The following PTPRD variants were observed in gnomAD, a reference collection of about 807,000 sequenced individuals.
PTPRD encodes the protein receptor-type tyrosine-protein phosphatase delta.
A neutral mutation model predicts 214.5 loss-of-function variants in PTPRD; 34 were observed. The ratio of observed to expected loss-of-function variants is 0.16; its 90% CI spans 0.12 to 0.21. The LOEUF (loss-of-function observed/expected upper bound fraction) is 0.21. PTPRD is among the 10% of genes least tolerant of loss of function. The pLI, the probability that PTPRD is intolerant of heterozygous loss-of-function variation, is 1.00. For missense variants in PTPRD, 2,545 were observed against 2,398.7 expected (o/e 1.06, Z -1.27); for synonymous variants, 1,128 against 845.7 (o/e 1.33, Z -5.79).
chr9:10,585,949 C>T (rs2073755707), intron 2 of PTPRD, among the ~76,000 whole-genome samples: 1 of 151,832 alleles, frequency 6.6e-6, no homozygotes, highest in Non-Finnish European at 1.5e-5. Flanking sequence ...CAAGAAAAAC[C>T]TGAAATCTAA....
chr9:8,364,359 G>T (rs2079246405), intron 39 of PTPRD, among the ~76,000 whole-genome samples: 1 of 152,166 alleles, frequency 6.6e-6, no homozygotes, highest in Non-Finnish European at 1.5e-5. Flanking sequence ...TTTTTATTTC[G>T]GTTCCAGCAG....
At chr9:8,692,691 G>C (rs921616347) in intron 12 of PTPRD, among the ~76,000 whole-genome samples, 6 of 152,148 alleles carry the variant, frequency 3.9e-5, no homozygotes, top group Non-Finnish European at 5.9e-5. Flanking sequence ...AAATTGTTAA[G>C]TGCTGTGTAA....
At chr9:9,368,638 A>T (rs2058549839) in intron 9 of PTPRD, among the ~76,000 whole-genome samples, 1 of 151,902 alleles carries the variant, frequency 6.6e-6, no homozygotes, top group Non-Finnish European at 1.5e-5. Context: ...TCTTGAAATC[A>T]TTTTGGTGGA....
chr9:9,220,658 A>G (rs1018685532), intron 9 of PTPRD, among the ~76,000 whole-genome samples: 3 of 152,060 alleles, frequency 2.0e-5, no homozygotes, highest in Admixed American at 2.0e-4. Flanking sequence ...GTTGAATTCA[A>G]ATATTGATGT....
intron 4 of PTPRD, among the ~76,000 whole-genome samples, chr9:10,013,877 T>A (rs748077338): frequency 6.6e-6 from 1 of 152,012 alleles, no homozygotes; most frequent in Admixed American, 6.6e-5. Context: ...ATAGGTTTTT[T>A]TGTTTGTTTC....
chr9:8,456,121 A>C (rs1002629416), intron 33 of PTPRD, among the ~76,000 whole-genome samples: 2 of 152,164 alleles, frequency 1.3e-5, no homozygotes, highest in Non-Finnish European at 2.9e-5. Flanking sequence ...TATACATTTA[A>C]TTATTCAATA....
chr9:9,048,592 A>G (rs928117935), intron 10 of PTPRD, among the ~76,000 whole-genome samples: 9 of 152,256 alleles, frequency 5.9e-5, no homozygotes, highest in East Asian at 5.8e-4. Context: ...TATTTGTGGG[A>G]CCTAAACATC....
At chr9:8,745,513 C>T (rs959330387) in intron 11 of PTPRD, among the ~76,000 whole-genome samples, 1 of 152,110 alleles carries the variant, frequency 6.6e-6, no homozygotes, top group Non-Finnish European at 1.5e-5. Context: ...AGTCACTGTC[C>T]TAGACCAATA....
chr9:10,080,804 C>T lies in PTPRD; in HGVS notation c.-544-47014G>A, dbSNP rs1382929034. The stretch of plus-strand genomic sequence containing the variant: ...TATGCTCTTGACCATTAAAAAGCTA[C>T]CATTTTGAAAATTAAATTTCTGGCA... On this transcript the variant is annotated intron_variant, in intron 3 of 45. Transcript: ENST00000381196. 2.6e-5 allele frequency among the ~76,000 whole-genome samples: 4 copies of T among 152,114 alleles called. No homozygotes were observed. In the East Asian group the frequency reaches 7.7e-4, roughly 29 times the overall value.
intron 2 of PTPRD, among the ~76,000 whole-genome samples, chr9:10,390,326 C>G (rs960513073): frequency 1.3e-5 from 2 of 151,806 alleles, no homozygotes; most frequent in African/African-American, 4.8e-5. Context: ...CAATACACCA[C>G]AGACATAATT....
chr9:8,954,932 A>G (rs1318911733), intron 11 of PTPRD, among the ~76,000 whole-genome samples: 1 of 151,942 alleles, frequency 6.6e-6, no homozygotes, highest in Non-Finnish European at 1.5e-5. Flanking sequence ...TGCAAAATAT[A>G]GACAACCATG....
At chr9:10,395,176 T>A (rs1018217074) in intron 2 of PTPRD, among the ~76,000 whole-genome samples, 1 of 151,572 alleles carries the variant, frequency 6.6e-6, no homozygotes, top group East Asian at 2.0e-4. Flanking sequence ...CATGTATACA[T>A]GTGCCATGTT....
intron 3 of PTPRD, among the ~76,000 whole-genome samples, chr9:10,206,830 A>C (rs956948630): frequency 1.3e-5 from 2 of 152,190 alleles, no homozygotes; most frequent in Non-Finnish European, 2.9e-5. Context: ...AAAAAGTAAC[A>C]GGAATAGAAA....
At chr9:9,476,281 A>T (rs553669222) in intron 8 of PTPRD, among the ~76,000 whole-genome samples, 7 of 152,348 alleles carry the variant, frequency 4.6e-5, no homozygotes, top group African/African-American at 1.7e-4. Flanking sequence ...GATGATTAGC[A>T]AGCAAATATT....
intron 3 of PTPRD, among the ~76,000 whole-genome samples, chr9:10,128,244 A>C (rs974993451): frequency 6.6e-6 from 1 of 152,168 alleles, no homozygotes; most frequent in Non-Finnish European, 1.5e-5. Flanking sequence ...AGCCTAACAC[A>C]CAATGGCTTA....
At chr9:8,680,090 G>A (rs899744470) in intron 12 of PTPRD, among the ~76,000 whole-genome samples, 2 of 151,580 alleles carry the variant, frequency 1.3e-5, no homozygotes, top group African/African-American at 2.4e-5. Flanking sequence ...TGATTCTTTT[G>A]TTTCTACTGC....
intron 14 of PTPRD, among the ~76,000 whole-genome samples, chr9:8,552,716 A>G (rs1489151663): frequency 6.6e-6 from 1 of 152,212 alleles, no homozygotes; most frequent in Non-Finnish European, 1.5e-5. Flanking sequence ...TGCAACCCCA[A>G]GAATACCTAC....
chr9:10,163,183 A>G (rs928220226), intron 3 of PTPRD, among the ~76,000 whole-genome samples: 37 of 151,418 alleles, frequency 2.4e-4, no homozygotes, highest in East Asian at 1.4e-3. Context: ...TTAAAAAATG[A>G]TTTTGAATTA....
At chr9:9,511,069 A>C (rs1462707707) in intron 8 of PTPRD, among the ~76,000 whole-genome samples, 1 of 151,834 alleles carries the variant, frequency 6.6e-6, no homozygotes, top group African/African-American at 2.4e-5. Context: ...TCTATGAACA[A>C]AGGCCATGGC....
Sources: allele counts gnomAD v4.1 joint callset (sites outside exome capture counted in the v4.1 genomes callset), GRCh38; gene constraint gnomAD v4.1.1; transcripts MANE v1.5; gene names NCBI Gene and HGNC (gene_info 2026-07-23, HGNC 2026-07-21).